The following DNAH9 variants were observed in gnomAD, a reference collection of about 807,000 sequenced individuals.
DNAH9 encodes dynein axonemal heavy chain 9.
In DNAH9, 345 loss-of-function variants were observed where a neutral mutation model predicts 471.6. The observed-to-expected ratio is 0.73, with a 90% CI of 0.67 to 0.80. The LOEUF is 0.80. DNAH9 is among the 30% of genes least tolerant of loss of function. DNAH9 has a pLI of 0.00. For synonymous variants in DNAH9, 2,093 were observed against 2,123.6 expected (o/e 0.99, Z 0.40); for missense variants, 5,407 against 5,609.2 (o/e 0.96, Z 1.15).
At chr17:11,838,311 A>C (rs1174443093) in intron 49 of DNAH9, among the ~76,000 whole-genome samples, 1 of 152,228 alleles carries the variant, frequency 6.6e-6, no homozygotes, top group Non-Finnish European at 1.5e-5. Context: ...CAGAACTGGC[A>C]TGAAATGGGC....
chr17:11,900,629 G>A (rs772261010), intron 59 of DNAH9, among the ~76,000 whole-genome samples: 7 of 151,892 alleles, frequency 4.6e-5, no homozygotes, highest in Non-Finnish European at 7.4e-5. Flanking sequence ...CTCCTGAAAG[G>A]CTTGTGTTTT....
intron 43 of DNAH9, among the ~76,000 whole-genome samples, chr17:11,803,785 C>T (rs571530943): frequency 2.0e-5 from 3 of 152,270 alleles, no homozygotes; most frequent in African/African-American, 7.2e-5. Context: ...TTGGGTGACC[C>T]AGAGAACCCA....
intron 67 of DNAH9, among the ~76,000 whole-genome samples, chr17:11,958,762 AG>A (rs1156946093): frequency 6.6e-6 from 1 of 152,178 alleles, no homozygotes; most frequent in Non-Finnish European, 1.5e-5. Flanking sequence ...TATTAAGAAA[AG>A]GCATAGAGAA....
At chr17:11,727,378 C>T (rs1245383694) in intron 27 of DNAH9, among the ~76,000 whole-genome samples, 1 of 152,108 alleles carries the variant, frequency 6.6e-6, no homozygotes, top group Admixed American at 6.5e-5. Context: ...CACCCCCTGT[C>T]TTTGTCTCCA....
chr17:11,872,493 T>C (rs1047233370), intron 52 of DNAH9, among the ~76,000 whole-genome samples: 1 of 152,054 alleles, frequency 6.6e-6, no homozygotes, highest in Non-Finnish European at 1.5e-5. Context: ...GCATCACTTC[T>C]AGCAACCCAC....
At chr17:11,810,764 AAG>A (rs1419959116) in intron 45 of DNAH9, among the ~76,000 whole-genome samples, 4 of 152,208 alleles carry the variant, frequency 2.6e-5, no homozygotes, top group Non-Finnish European at 5.9e-5. Context: ...GATACACAAA[AAG>A]AGAGCATGAG....
chr17:11,818,873 T>C (rs903244622), intron 45 of DNAH9, among the ~76,000 whole-genome samples: 13 of 141,568 alleles, frequency 9.2e-5, no homozygotes, highest in African/African-American at 3.1e-4. Context: ...TCACAGTCTG[T>C]CTCCATTATT....
intron 27 of DNAH9, among the ~76,000 whole-genome samples, chr17:11,722,474 G>A (rs9907611): frequency 0.59 from 90,189 of 152,102 alleles, 28,505 homozygotes; most frequent in Admixed American, 0.74. Context: ...TGATGTGGTA[G>A]TAGACATGGA....
In DNAH9 at chr17:11,605,583, C is replaced by T. The variant is rs183873374; in HGVS notation, c.418-2546C>T. ...GCACGATTTCAGCTCACTGCAGACT[C>T]GACCTCCCTGGGCTCAAGCGATCCT... On this transcript the variant is annotated intron_variant, in intron 1 of 68. Transcript: ENST00000262442. Among the ~76,000 whole-genome samples the T allele has an allele frequency of 6.8e-4, 104 of 152,116 alleles. 1 individual carries two copies. Among genetic ancestry groups the T allele is most frequent in the Non-Finnish European group, 2.5e-4 (17 of 68,016 alleles).
intron 49 of DNAH9, among the ~76,000 whole-genome samples, chr17:11,835,285 A>T (rs967275613): frequency 6.6e-6 from 1 of 152,176 alleles, no homozygotes; most frequent in Non-Finnish European, 1.5e-5. Context: ...TGCTCCAGTA[A>T]CCCAGGACCA....
At chr17:11,704,144 G>C in intron 24 of DNAH9, 59 bp from the exon 25 acceptor site, 1 of 1,600,760 alleles carries the variant, frequency 6.2e-7, no homozygotes, top group Non-Finnish European at 8.5e-7. Context: ...TGTGTGATGA[G>C]TGGGTTGGTT....
At chr17:11,811,823 A>G (rs187748823) in intron 45 of DNAH9, among the ~76,000 whole-genome samples, 1 of 150,976 alleles carries the variant, frequency 6.6e-6, no homozygotes, top group African/African-American at 2.4e-5. Context: ...AATATCTCCA[A>G]TGCTCTTCTG....
intron 49 of DNAH9, among the ~76,000 whole-genome samples, chr17:11,851,116 T>C (rs1467984038): frequency 6.6e-6 from 1 of 151,528 alleles, no homozygotes; most frequent in Admixed American, 6.6e-5. Flanking sequence ...GTTGTTGTTG[T>C]TGTTGTTGTT....
chr17:11,731,549 C>G, intron 28 of DNAH9, among the ~76,000 whole-genome samples: 1 of 112,384 alleles, frequency 8.9e-6, no homozygotes, highest in Non-Finnish European at 1.8e-5. Context: ...TCCCTCCCCC[C>G]TCCCCCCACC....
intron 68 of DNAH9, among the ~76,000 whole-genome samples, chr17:11,964,136 A>G (rs1211476506): frequency 1.3e-5 from 2 of 152,336 alleles, no homozygotes; most frequent in East Asian, 3.9e-4. Context: ...GCCAACAGAA[A>G]GGACAGTAAA....
At chr17:11,889,690 G>C (rs564596208) in intron 57 of DNAH9, among the ~76,000 whole-genome samples, 1 of 152,388 alleles carries the variant, frequency 6.6e-6, no homozygotes, top group East Asian at 1.9e-4. Flanking sequence ...TATATGTGAA[G>C]AGATGGGCTA....
chr17:11,860,966 T>A (rs1002510983), intron 50 of DNAH9, among the ~76,000 whole-genome samples: 2 of 152,130 alleles, frequency 1.3e-5, no homozygotes, highest in Non-Finnish European at 2.9e-5. Context: ...TGAAGTCTTC[T>A]AATCTTTTCC....
intron 53 of DNAH9, among the ~76,000 whole-genome samples, chr17:11,877,838 T>A (rs557497196): frequency 6.6e-6 from 1 of 152,180 alleles, no homozygotes; most frequent in African/African-American, 2.4e-5. Flanking sequence ...GGGTTGAAGC[T>A]ATTCTCCTGC....
At chr17:11,700,730 T>C (rs2074576969) in intron 23 of DNAH9, among the ~76,000 whole-genome samples, 1 of 152,216 alleles carries the variant, frequency 6.6e-6, no homozygotes, top group African/African-American at 2.4e-5. Flanking sequence ...CCAGAAAGCA[T>C]TGAGCTGGGG....
Sources: allele counts gnomAD v4.1 joint callset (sites outside exome capture counted in the v4.1 genomes callset), GRCh38; gene constraint gnomAD v4.1.1; transcripts MANE v1.5; gene names NCBI Gene and HGNC (gene_info 2026-07-23, HGNC 2026-07-21).